The following ETV6 variants were observed in gnomAD, a reference collection of about 807,000 sequenced individuals.
The protein encoded by ETV6 is ETS variant transcription factor 6.
Under a neutral mutation model 51.1 loss-of-function variants are expected in ETV6, and 16 were observed. The observed-to-expected ratio is 0.31, with a 90% CI of 0.21 to 0.48. The LOEUF (loss-of-function observed/expected upper bound fraction) is 0.48, where lower values mean the gene tolerates loss of function less well. ETV6 is among the 20% of genes least tolerant of loss of function. The probability of loss-of-function intolerance (pLI) is 0.99; values close to 1 mark genes in which losing one functional copy is unlikely to be tolerated. For synonymous variants in ETV6, 240 were observed against 224.1 expected (o/e 1.07, Z -0.64); for missense variants, 458 against 594.8 (o/e 0.77, Z 2.39).
At chr12:11,690,886 CTAAATAAA>C (rs58188628) in intron 1 of ETV6, among the ~76,000 whole-genome samples, 11 of 140,580 alleles carry the variant, frequency 7.8e-5, no homozygotes, top group African/African-American at 2.1e-4. Flanking sequence ...GACTCTGTCT[CTAAATAAA>C]TAAATAAATA....
At chr12:11,685,456 C>T (rs1326660776) in intron 1 of ETV6, among the ~76,000 whole-genome samples, 2 of 152,092 alleles carry the variant, frequency 1.3e-5, no homozygotes, top group Admixed American at 6.6e-5. Flanking sequence ...TGGGAAGTTC[C>T]CTATTGAGAT....
chr12:11,683,348 T>C (rs1400375205), intron 1 of ETV6, among the ~76,000 whole-genome samples: 2 of 152,206 alleles, frequency 1.3e-5, no homozygotes, highest in Non-Finnish European at 2.9e-5. Flanking sequence ...CAGGCCATGT[T>C]TGAATTTTTA....
At chr12:11,816,681 C>T (rs571018041) in intron 2 of ETV6, among the ~76,000 whole-genome samples, 7 of 152,276 alleles carry the variant, frequency 4.6e-5, no homozygotes, top group African/African-American at 1.7e-4. Flanking sequence ...CTGCCTGGCT[C>T]CCTTTCCCTC....
At chr12:11,716,779 T>TTGAGCTTA (rs1031757721) in intron 1 of ETV6, 3 of 152,214 alleles carry the variant, frequency 2.0e-5, no homozygotes, top group African/African-American at 7.2e-5. Flanking sequence ...CTGTAGTAGG[T>TTGAGCTTA]TGAGCTTATT....
At chr12:11,764,828 A>T (rs1945141259) in intron 2 of ETV6, among the ~76,000 whole-genome samples, 1 of 152,100 alleles carries the variant, frequency 6.6e-6, no homozygotes, top group African/African-American at 2.4e-5. Flanking sequence ...TTTCACATGT[A>T]TTGTATCATT....
chr12:11,818,531 CAAA>C (rs1221844259), intron 2 of ETV6, among the ~76,000 whole-genome samples: 4 of 80,174 alleles, frequency 5.0e-5, no homozygotes, highest in African/African-American at 1.0e-4. Context: ...GACTCTGTCT[CAAA>C]AAAAAAAAAA....
At chr12:11,761,394 G>C (rs1035068157) in intron 2 of ETV6, among the ~76,000 whole-genome samples, 1 of 152,162 alleles carries the variant, frequency 6.6e-6, no homozygotes, top group Non-Finnish European at 1.5e-5. Context: ...GTAAATTCTG[G>C]AGTGTTAGAA....
At chr12:11,694,473 C>T (rs1218848628) in intron 1 of ETV6, among the ~76,000 whole-genome samples, 4 of 152,218 alleles carry the variant, frequency 2.6e-5, no homozygotes, top group Non-Finnish European at 4.4e-5. Context: ...ACCAAATGTA[C>T]TGTCTTCTGT....
At chr12:11,786,181 A>G (rs936343478) in intron 2 of ETV6, among the ~76,000 whole-genome samples, 1 of 152,052 alleles carries the variant, frequency 6.6e-6, no homozygotes, top group South Asian at 2.1e-4. Flanking sequence ...CCATCACTCA[A>G]TATTACTTCC....
chr12:11,809,708 C>A (rs1166789898), intron 2 of ETV6, among the ~76,000 whole-genome samples: 3 of 151,790 alleles, frequency 2.0e-5, no homozygotes, highest in African/African-American at 7.3e-5. Flanking sequence ...GTCCCTTAAT[C>A]CATAATTAAA....
chr12:11,729,135 T>C (rs563699224), intron 1 of ETV6, among the ~76,000 whole-genome samples: 10 of 152,336 alleles, frequency 6.6e-5, no homozygotes, highest in African/African-American at 2.2e-4. Flanking sequence ...AGCGTGACAG[T>C]CAACATGAAC....
Position 11,893,713 on chromosome 12 carries a change from C to A in ETV6, c.*2667C>A, listed in dbSNP as rs1413923914. On this transcript the variant is annotated 3_prime_UTR_variant, in exon 8 of 8. Coordinates refer to ENST00000396373, the MANE Select transcript of ETV6 (RefSeq NM_001987.5). ...ATTTCAAATATCATAAAATTACCTT[C>A]AGGCTATGTGTATAAAGTATATATG... The A allele has an allele frequency of 9.3e-6, 2 of 215,556 alleles. No homozygotes were observed. The highest frequency in any genetic ancestry group is 9.3e-6 in the Non-Finnish European group (1 of 108,068). 13.4% of individuals were successfully genotyped at this position (215,556 alleles called of 1,614,324 possible).
At chr12:11,814,358 A>AT (rs199812685) in intron 2 of ETV6, among the ~76,000 whole-genome samples, 122 of 151,928 alleles carry the variant, frequency 8.0e-4, no homozygotes, top group African/African-American at 2.5e-3. Context: ...TGTAAAAAAA[A>AT]ATTTTTTTTT....
intron 1 of ETV6, among the ~76,000 whole-genome samples, chr12:11,674,633 G>GTGTGTGTA (rs1864381205): frequency 6.7e-6 from 1 of 149,978 alleles, no homozygotes; most frequent in Non-Finnish European, 1.5e-5. Flanking sequence ...GTGTGTGTGT[G>GTGTGTGTA]TGTGTGTGTG....
chr12:11,667,184 C>T (rs908474114), intron 1 of ETV6, among the ~76,000 whole-genome samples: 11 of 152,222 alleles, frequency 7.2e-5, no homozygotes, highest in African/African-American at 2.7e-4. Context: ...CGGTGCCTGG[C>T]ACAGAGGAAG....
intron 1 of ETV6, among the ~76,000 whole-genome samples, chr12:11,725,024 G>A (rs12299673): frequency 0.029 from 4,375 of 152,126 alleles, 80 homozygotes; most frequent in Non-Finnish European, 0.044. Flanking sequence ...TTCTTTTATC[G>A]TGAACTTACG....
chr12:11,856,320 G>A lies in ETV6; in HGVS notation c.463+2759G>A, dbSNP rs369596101. Reference sequence around the variant, plus strand: ...GTAAGAGGATGGAGCTAATGAGGCCGAGGTCAAGGGTGTCATTGCCCTGCA... The same window carrying A: ...GTAAGAGGATGGAGCTAATGAGGCCAAGGTCAAGGGTGTCATTGCCCTGCA... On this transcript the variant is annotated intron_variant, in intron 4 of 7. Coordinates refer to ENST00000396373, the MANE Select transcript of ETV6 (RefSeq NM_001987.5). Among the ~76,000 whole-genome samples the A allele has an allele frequency of 4.6e-5, 7 of 152,162 alleles. No homozygotes were observed. The East Asian group carries it at 9.6e-4, about 21-fold the overall frequency.
At chr12:11,681,877 T>C (rs1458010849) in intron 1 of ETV6, among the ~76,000 whole-genome samples, 1 of 152,216 alleles carries the variant, frequency 6.6e-6, no homozygotes, top group Non-Finnish European at 1.5e-5. Context: ...GCTTCAACCA[T>C]GTTCCTGCAA....
At chr12:11,823,410 G>C (rs992647138) in intron 2 of ETV6, among the ~76,000 whole-genome samples, 4 of 151,884 alleles carry the variant, frequency 2.6e-5, no homozygotes, top group Non-Finnish European at 5.9e-5. Context: ...GATATGGAAA[G>C]ACAGTAAAAG....
Sources: allele counts gnomAD v4.1 joint callset (sites outside exome capture counted in the v4.1 genomes callset), GRCh38; gene constraint gnomAD v4.1.1; transcripts MANE v1.5; gene names NCBI Gene and HGNC (gene_info 2026-07-23, HGNC 2026-07-21).